The following PNPLA1 variants were observed in gnomAD, a reference collection of about 807,000 sequenced individuals.
PNPLA1 encodes the protein omega-hydroxyceramide transacylase.
In PNPLA1, 36 loss-of-function variants were observed where a neutral mutation model predicts 51.7. The ratio of observed to expected loss-of-function variants is 0.70; its 90% confidence interval spans 0.53 to 0.92. The LOEUF (loss-of-function observed/expected upper bound fraction) is 0.92, where lower values mean the gene tolerates loss of function less well. Ranked by LOEUF, PNPLA1 falls within the 40% of genes least tolerant of loss-of-function variation. The pLI is 0.00. For missense variants in PNPLA1, 658 were observed against 682.5 expected (o/e 0.96, Z 0.40); for synonymous variants, 293 against 280.1 (o/e 1.05, Z -0.46).
chr6:36,276,383 C>T (rs1770098549), intron 1 of PNPLA1, among the ~76,000 whole-genome samples: 1 of 152,068 alleles, frequency 6.6e-6, no homozygotes, highest in Admixed American at 6.5e-5. Flanking sequence ...CAACTTCTGG[C>T]GTGTATGCCC....
chr6:36,288,468 C>T (rs1443897549), intron 1 of PNPLA1, among the ~76,000 whole-genome samples: 1 of 126,536 alleles, frequency 7.9e-6, no homozygotes, highest in Non-Finnish European at 1.7e-5. Flanking sequence ...TTTTTTGAGA[C>T]GGAGTCTCGC....
chr6:36,274,748 G>A (rs1770038566), intron 1 of PNPLA1, among the ~76,000 whole-genome samples: 1 of 152,178 alleles, frequency 6.6e-6, no homozygotes, highest in Admixed American at 6.5e-5. Context: ...ATGTGAAATT[G>A]TGTCTCATCT....
chr6:36,278,660 A>C (rs114443494), intron 1 of PNPLA1, among the ~76,000 whole-genome samples: 2,423 of 152,300 alleles, frequency 0.016, 57 homozygotes, highest in African/African-American at 0.05. Context: ...GATCTTGCTA[A>C]AATTATATGT....
chr6:36,264,954 C>A (rs1172547073), intron 1 of PNPLA1, among the ~76,000 whole-genome samples: 1 of 152,182 alleles, frequency 6.6e-6, no homozygotes, highest in Non-Finnish European at 1.5e-5. Flanking sequence ...AACACTTCTA[C>A]CCCCACCATG....
At chr6:36,306,486 T>C (rs545401767) in intron 7 of PNPLA1, 110 bp downstream of exon 7, 32 of 961,058 alleles carry the variant, frequency 3.3e-5, no homozygotes, top group Non-Finnish European at 4.6e-5. Context: ...GGGATCCTTT[T>C]CTGGTGTGTG....
chr6:36,280,164 C>T (rs1770235631), intron 1 of PNPLA1, among the ~76,000 whole-genome samples: 1 of 152,196 alleles, frequency 6.6e-6, no homozygotes, highest in Non-Finnish European at 1.5e-5. Flanking sequence ...CAATATTGCA[C>T]CACTGCACTC....
intron 8 of PNPLA1, chr6:36,308,710 C>T (rs577862419): frequency 1.7e-4 from 26 of 152,160 alleles, no homozygotes; most frequent in South Asian, 6.2e-4. Context: ...ATTTTTTTAC[C>T]GAGTCATCAT....
rs977275158 is a variant in PNPLA1, at chr6:36,313,443, T to C, written c.*1557T>C. Among the ~76,000 whole-genome samples the C allele has an allele frequency of 1.5e-4, 23 of 152,156 alleles. No homozygotes were observed. The highest frequency in any genetic ancestry group is 5.3e-4 in the African/African-American group (22 of 41,444). On this transcript the variant is annotated 3_prime_UTR_variant, in exon 9 of 9. Coordinates refer to ENST00000636260, the MANE Select transcript of PNPLA1 (RefSeq NM_001374623.1). ...CCCAGAATGAATGGGTGGAGGACCA[T>C]ACTAAACTGCCCTTTGGAGCCTGAG...
chr6:36,310,512 TA>T (rs930914395), intron 8 of PNPLA1, among the ~76,000 whole-genome samples: 5 of 152,226 alleles, frequency 3.3e-5, no homozygotes, highest in African/African-American at 1.2e-4. Flanking sequence ...GTTTCCACCA[TA>T]AAAGATCCTT....
chr6:36,251,357 T>C (rs1329067413), intron 1 of PNPLA1, among the ~76,000 whole-genome samples: 2 of 152,186 alleles, frequency 1.3e-5, no homozygotes, highest in Non-Finnish European at 2.9e-5. Flanking sequence ...AATGTCATAA[T>C]AGATGCTTAA....
chr6:36,295,336 G>T (rs767528725), intron 4 of PNPLA1, 28 bp from the exon 5 acceptor site: 5 of 1,613,846 alleles, frequency 3.1e-6, no homozygotes, highest in Non-Finnish European at 4.2e-6. Flanking sequence ...CGCAGCCTTG[G>T]TAATTCTCCT....
At chr6:36,273,363 C>T (rs75405848) in intron 1 of PNPLA1, among the ~76,000 whole-genome samples, 270 of 152,232 alleles carry the variant, frequency 1.8e-3, no homozygotes, top group East Asian at 0.012. Flanking sequence ...AAGGGCTAGG[C>T]ATGGATCTTT....
intron 1 of PNPLA1, among the ~76,000 whole-genome samples, chr6:36,279,288 A>G (rs1003444711): frequency 6.6e-6 from 1 of 152,190 alleles, no homozygotes; most frequent in Non-Finnish European, 1.5e-5. Flanking sequence ...AGAGCACTGG[A>G]GAAGTGTTTT....
At chr6:36,287,512 T>C (rs1261201465) in intron 1 of PNPLA1, among the ~76,000 whole-genome samples, 1 of 152,176 alleles carries the variant, frequency 6.6e-6, no homozygotes, top group Non-Finnish European at 1.5e-5. Context: ...CCTGGCAGCC[T>C]GCAGCTCGGA....
At chr6:36,272,876 T>C (rs1039976571) in intron 1 of PNPLA1, among the ~76,000 whole-genome samples, 4 of 152,134 alleles carry the variant, frequency 2.6e-5, no homozygotes, top group African/African-American at 7.2e-5. Context: ...ATAATATAAT[T>C]TTTTCTTTTT....
chr6:36,252,935 C>A (rs1482069725), intron 1 of PNPLA1, among the ~76,000 whole-genome samples: 2 of 152,130 alleles, frequency 1.3e-5, no homozygotes, highest in South Asian at 2.1e-4. Flanking sequence ...AATTCCAGCA[C>A]TTTTGGCGGC....
At chr6:36,272,739 G>A (rs1769957364) in intron 1 of PNPLA1, among the ~76,000 whole-genome samples, 1 of 152,124 alleles carries the variant, frequency 6.6e-6, no homozygotes, top group Non-Finnish European at 1.5e-5. Context: ...GTGAGGGAGA[G>A]GCTGCAGATA....
chr6:36,286,873 CAG>C (rs996162558), intron 1 of PNPLA1, among the ~76,000 whole-genome samples: 22 of 150,310 alleles, frequency 1.5e-4, no homozygotes, highest in Non-Finnish European at 3.0e-4. Flanking sequence ...TTTGTAGAGA[CAG>C]GGGTCTTGCT....
intron 1 of PNPLA1, among the ~76,000 whole-genome samples, chr6:36,288,691 C>A (rs1002904215): frequency 1.3e-5 from 2 of 151,984 alleles, no homozygotes; most frequent in Non-Finnish European, 2.9e-5. Flanking sequence ...ATCTCCTGAC[C>A]TCATGATCCA....
Sources: allele counts gnomAD v4.1 joint callset (sites outside exome capture counted in the v4.1 genomes callset), GRCh38; gene constraint gnomAD v4.1.1; transcripts MANE v1.5; gene names NCBI Gene and HGNC (gene_info 2026-07-23, HGNC 2026-07-21).